The following ATG13 variants were observed in gnomAD, a reference collection of about 807,000 sequenced individuals.
ATG13 encodes the protein autophagy-related protein 13.
ATG13 carries 23 observed loss-of-function variants against 65.5 expected under a neutral mutation model. That is an observed-to-expected ratio of 0.35 (90% CI 0.25 to 0.50). The LOEUF (loss-of-function observed/expected upper bound fraction) is 0.50. Among genes scored for constraint, ATG13 ranks in the 20% least tolerant of loss-of-function variants. The pLI, the probability that ATG13 is intolerant of heterozygous loss-of-function variation, is 0.98. For missense variants in ATG13, 566 were observed against 677.0 expected (o/e 0.84, Z 1.82); for synonymous variants, 252 against 245.2 (o/e 1.03, Z -0.26).
chr11:46,656,438 C>T, intron 8 of ATG13, 165 bp downstream of exon 8: 1 of 572,956 alleles, frequency 1.7e-6, no homozygotes, highest in Non-Finnish European at 2.9e-6. Context: ...TACCCCTGAT[C>T]TGCCAGGGTA....
intron 11 of ATG13, among the ~76,000 whole-genome samples, chr11:46,662,447 G>A (rs560632153): frequency 6.6e-6 from 1 of 152,314 alleles, no homozygotes; most frequent in African/African-American, 2.4e-5. Context: ...AGTAGTTTCT[G>A]CACCTGGTGT....
chr11:46,631,307 C>G (rs1193602509), intron 2 of ATG13, among the ~76,000 whole-genome samples: 1 of 152,146 alleles, frequency 6.6e-6, no homozygotes, highest in South Asian at 2.1e-4. Flanking sequence ...CTGTCCACCT[C>G]GGCTTCCAAA....
rs1565399237 is a variant in ATG13 at position 46,622,129 on chromosome 11, T to TA, written c.-70+4239_-70+4240insA. Among the ~76,000 whole-genome samples, 19 of 103,454 alleles carry TA rather than the reference T, an allele frequency of 1.8e-4. No homozygotes were observed. In the East Asian group the frequency reaches 3.8e-3, roughly 21 times the overall value. The allele number at this position is 103,454 out of a possible 152,430, so 67.9% of individuals were successfully genotyped here. A position where few individuals can be genotyped will look rare whatever the true frequency, so the allele number is the denominator to read the frequency against. On this transcript the variant is annotated intron_variant, in intron 1 of 18. Transcript: ENST00000683050. ...TATATATATATATATATATATATATTTATTTTAGAGATGGTATTTGCCCTG... is the reference window on the plus strand; with the variant it reads ...TATATATATATATATATATATATATTATATTTTAGAGATGGTATTTGCCCTG...
At chr11:46,656,711 A>G (rs1285344462) in intron 8 of ATG13, among the ~76,000 whole-genome samples, 2 of 152,216 alleles carry the variant, frequency 1.3e-5, no homozygotes, top group East Asian at 3.8e-4. Context: ...TGTTTGTGTG[A>G]CATTCTAGTG....
rs915633531 is a variant in ATG13 at position 46,673,324 on chromosome 11, CAA to C, written c.*994_*995del. ...ATCCAAGAAGAGGGCTGGCCGGGGG[CAA>C]AGTCACCTCCCAGTGTGGCTGCACT... On this transcript the variant is annotated 3_prime_UTR_variant, in exon 19 of 19. Transcript: ENST00000683050. 3.3e-5 allele frequency: 5 copies of C among 152,892 alleles called. No individual in the cohort carries two copies. The highest frequency in any genetic ancestry group is 1.9e-4 in the East Asian group (1 of 5,186). The allele number at this position is 152,892 out of a possible 1,614,324, so 9.5% of individuals were successfully genotyped here. A position where few individuals can be genotyped will look rare whatever the true frequency, so the allele number is the denominator to read the frequency against.
chr11:46,673,459 G>A lies in ATG13; in HGVS notation c.*1127G>A, dbSNP rs1162316209. ...TGACTCCATTCTGGCAGCCCAGGAAGTCCTGGGTGCTAAATGTGATGGCCA... is the reference window on the plus strand; with the variant it reads ...TGACTCCATTCTGGCAGCCCAGGAAATCCTGGGTGCTAAATGTGATGGCCA... On this transcript the variant is annotated 3_prime_UTR_variant, in exon 19 of 19. Coordinates refer to ENST00000683050, the MANE Select transcript of ATG13 (RefSeq NM_001346311.2). 2 of 152,328 alleles carry A rather than the reference G, an allele frequency of 1.3e-5. No individual in the cohort carries two copies. The highest frequency in any genetic ancestry group is 4.8e-5 in the African/African-American group (2 of 41,460). 9.4% of individuals were successfully genotyped at this position (152,328 alleles called of 1,614,324 possible). A position where few individuals can be genotyped will look rare whatever the true frequency, so the allele number is the denominator to read the frequency against.
intron 2 of ATG13, among the ~76,000 whole-genome samples, chr11:46,637,507 G>C (rs373504282): frequency 3.9e-5 from 6 of 152,062 alleles, no homozygotes; most frequent in African/African-American, 1.4e-4. Flanking sequence ...CGAGCAGCTG[G>C]GATTACAGGT....
intron 2 of ATG13, among the ~76,000 whole-genome samples, chr11:46,633,091 C>A (rs1333187723): frequency 5.0e-5 from 7 of 141,316 alleles, no homozygotes; most frequent in Non-Finnish European, 1.1e-4. Context: ...GTGGTGGGAT[C>A]TCGGCTCACT....
intron 13 of ATG13, 73 bp downstream of exon 13, chr11:46,665,032 C>G: frequency 7.1e-7 from 1 of 1,410,726 alleles, no homozygotes; most frequent in Non-Finnish European, 9.9e-7. Context: ...TGAGGGGTCT[C>G]TCAAGGCAGA....
At chr11:46,630,443 C>T (rs930883426) in intron 2 of ATG13, among the ~76,000 whole-genome samples, 3 of 152,016 alleles carry the variant, frequency 2.0e-5, no homozygotes, top group African/African-American at 7.3e-5. Context: ...AGTGAGTGGA[C>T]CAGTTACAAA....
At chr11:46,661,632 G>A (rs1015805275) in intron 11 of ATG13, among the ~76,000 whole-genome samples, 6 of 151,136 alleles carry the variant, frequency 4.0e-5, no homozygotes, top group Non-Finnish European at 8.8e-5. Context: ...AAGAGTTCAA[G>A]ACCAGCCTGG....
At chr11:46,618,751 T>C (rs1239144289) in intron 1 of ATG13, among the ~76,000 whole-genome samples, 2 of 152,234 alleles carry the variant, frequency 1.3e-5, no homozygotes, top group East Asian at 3.8e-4. Flanking sequence ...TGAGGTTTTT[T>C]TTTTGTTGTT....
chr11:46,619,764 T>G (rs1397659569), intron 1 of ATG13, among the ~76,000 whole-genome samples: 1 of 151,756 alleles, frequency 6.6e-6, no homozygotes, highest in African/African-American at 2.4e-5. Context: ...GCAGGGTGGC[T>G]TACACCTGTA....
At chr11:46,647,423 G>T (rs182340738) in intron 5 of ATG13, among the ~76,000 whole-genome samples, 1 of 151,304 alleles carries the variant, frequency 6.6e-6, no homozygotes, top group East Asian at 2.0e-4. Context: ...GATTACAGGT[G>T]CGTGCCACCA....
At position 46,668,554 on chromosome 11, in the gene ATG13, AGCTGG is replaced by A; in HGVS notation, c.1308_1312del (p.Leu437GlyfsTer15). On this transcript the variant is annotated frameshift_variant, in exon 16 of 19. Coordinates refer to ENST00000683050, the MANE Select transcript of ATG13 (RefSeq NM_001346311.2). LOFTEE classifies it high-confidence loss of function. ...GCCATGTTTGCTCCCAAGAATTTGG[AGCTGG>A]AGGATACCGATCCAATGGTGAGCCC... 1.2e-6 allele frequency: 2 copies of A among 1,614,192 alleles called. No homozygotes were observed. The highest frequency in any genetic ancestry group is 1.7e-6 in the Non-Finnish European group (2 of 1,180,032).
chr11:46,636,557 C>CAAAAAAA (rs374517009), intron 2 of ATG13, among the ~76,000 whole-genome samples: 1 of 47,290 alleles, frequency 2.1e-5, no homozygotes, highest in Non-Finnish European at 4.1e-5. Context: ...GACTCCGTCT[C>CAAAAAAA]AAAAAAAAAA....
At chr11:46,659,308 A>G (rs1449423184) in intron 10 of ATG13, 84 bp from the exon 11 acceptor site, 4 of 1,087,474 alleles carry the variant, frequency 3.7e-6, no homozygotes, top group East Asian at 2.4e-5. Context: ...CACAGGTCCC[A>G]TCTCTATCTA....
Position 46,644,306 on chromosome 11 carries a change from C to T in ATG13, c.15C>T (p.Leu5=). The change falls in exon 3 of 19, where the codon CTC becomes CTT. Residue 5 remains leucine, a synonymous_variant. Coordinates refer to ENST00000683050, the MANE Select transcript of ATG13 (RefSeq NM_001346311.2). METD[L]NSQDRKDLDK... ...TCCTATAGGCAATGGAAACTGATCT[C>T]AATTCCCAGGACAGAAAGGACCTGG... The T allele has an allele frequency of 6.2e-7, 1 of 1,605,542 alleles. No individual in the cohort carries two copies. The highest frequency in any genetic ancestry group is 8.5e-7 in the Non-Finnish European group (1 of 1,177,680).
intron 10 of ATG13, among the ~76,000 whole-genome samples, chr11:46,658,068 CAA>C (rs1220258366): frequency 4.4e-5 from 4 of 91,662 alleles, no homozygotes; most frequent in African/African-American, 4.1e-5. Flanking sequence ...GACTCCTTCT[CAA>C]AAAAAAAAAA....
Sources: gnomAD v4.1 joint callset for allele counts (sites outside exome capture counted in the v4.1 genomes callset) on GRCh38, gnomAD v4.1.1 for gene constraint, MANE v1.5 for transcripts, NCBI Gene and HGNC (gene_info 2026-07-23, HGNC 2026-07-21) for gene names.